ZNF512: variants seen among roughly 807,000 people sequenced by gnomAD.
ZNF512 encodes zinc finger protein 512.
In ZNF512, 25 loss-of-function variants were observed where a neutral mutation model predicts 77.5. The ratio of observed to expected loss-of-function variants is 0.32; its 90% CI spans 0.23 to 0.45. The LOEUF (loss-of-function observed/expected upper bound fraction) is 0.45. ZNF512 is among the 20% of genes least tolerant of loss of function. ZNF512 has a pLI of 1.00. For missense variants in ZNF512, 483 were observed against 692.6 expected, an observed-to-expected ratio of 0.70 and a Z score of 3.40; for synonymous variants, 246 against 239.9, an observed-to-expected ratio of 1.03 and a Z score of -0.24.
At chr2:27,617,077 CAGT>C (rs1477086737) in intron 12 of ZNF512, 1 of 182,560 alleles carries the variant, frequency 5.5e-6, no homozygotes, top group African/African-American at 2.4e-5. Context: ...CTTTTTGCGA[CAGT>C]AGATCATAGT....
chr2:27,586,382 G>A lies in ZNF512; in HGVS notation c.89+2666G>A, dbSNP rs546151765. On this transcript the variant is annotated intron_variant, in intron 2 of 13. Coordinates refer to ENST00000355467, the MANE Select transcript of ZNF512 (RefSeq NM_032434.4). ...GTAGCTGGGATTACAGGTGCACACC[G>A]CTGTGCCCTGCTAAGTTTTTGTATT... Among the ~76,000 whole-genome samples, 28 of 152,092 alleles carry A rather than the reference G, an allele frequency of 1.8e-4. No individual in the cohort carries two copies. In the East Asian group the frequency reaches 3.5e-3, roughly 19 times the overall value.
intron 10 of ZNF512, among the ~76,000 whole-genome samples, chr2:27,610,544 GTA>G (rs1247718248): frequency 0.078 from 2,551 of 32,606 alleles, 203 homozygotes; most frequent in South Asian, 0.11. Flanking sequence ...ATATGTGTGT[GTA>G]TATATATATA....
intron 2 of ZNF512, among the ~76,000 whole-genome samples, chr2:27,595,043 CAG>C (rs1459024232): frequency 3.3e-5 from 5 of 152,122 alleles, no homozygotes; most frequent in African/African-American, 4.8e-5. Flanking sequence ...GCAGGAGAAT[CAG>C]GGGAGCCCGA....
At chr2:27,583,762 C>T (rs1308471905) in intron 2 of ZNF512, 46 bp downstream of exon 2, 1 of 1,602,362 alleles carries the variant, frequency 6.2e-7, no homozygotes, top group South Asian at 1.1e-5. Context: ...GTCACCAGCG[C>T]TGACCAGTAG....
chr2:27,618,826 C>G (rs1276608549), intron 13 of ZNF512, among the ~76,000 whole-genome samples: 5 of 152,024 alleles, frequency 3.3e-5, no homozygotes, highest in Non-Finnish European at 5.9e-5. Flanking sequence ...TTAAATAGTC[C>G]TACTACAACA....
chr2:27,584,023 G>C (rs1428127932), intron 2 of ZNF512, among the ~76,000 whole-genome samples: 2 of 152,168 alleles, frequency 1.3e-5, no homozygotes, highest in Admixed American at 1.3e-4. Context: ...TACTAGCCCC[G>C]TACGCCTTTT....
chr2:27,606,076 T>C (rs1473401934), intron 9 of ZNF512, among the ~76,000 whole-genome samples: 1 of 115,252 alleles, frequency 8.7e-6, no homozygotes, highest in East Asian at 2.6e-4. Context: ...CTTAATCTTG[T>C]TGACCATCTT....
intron 6 of ZNF512, among the ~76,000 whole-genome samples, chr2:27,601,090 G>A (rs146738251): frequency 2.0e-5 from 3 of 152,218 alleles, no homozygotes; most frequent in Admixed American, 2.0e-4. Context: ...TAGTCCATGA[G>A]AGGATAAGAA....
chr2:27,607,488 C>T (rs947207078), intron 9 of ZNF512, among the ~76,000 whole-genome samples: 1 of 152,044 alleles, frequency 6.6e-6, no homozygotes, highest in Admixed American at 6.5e-5. Context: ...CTGTCTCAGC[C>T]TCCCGAGTAG....
rs1279107726 is a variant in ZNF512 at position 27,583,664 on chromosome 2, G to A, written c.37G>A (p.Gly13Arg). 2 of 1,614,126 alleles carry A rather than the reference G, an allele frequency of 1.2e-6. No individual in the cohort carries two copies. The highest frequency in any genetic ancestry group is 2.2e-5 in the East Asian group (1 of 44,878). Residue 13 changes from glycine (G) to arginine (R), a missense_variant, in exon 2 of 14, where the codon GGA (glycine) becomes AGA (arginine). Coordinates refer to ENST00000355467, the MANE Select transcript of ZNF512 (RefSeq NM_032434.4). ...SRLGAVPATS[G>R]PTTFKQQRST... ...TGTGCTTGTGATTTGCTAGACTTCGGGACCCACAACCTTTAAGCAGCAGAG... is the reference window on the plus strand; with the variant it reads ...TGTGCTTGTGATTTGCTAGACTTCGAGACCCACAACCTTTAAGCAGCAGAG...
chr2:27,617,253 T>G (rs1672921383), intron 12 of ZNF512: 2 of 447,872 alleles, frequency 4.5e-6, no homozygotes, highest in African/African-American at 2.0e-5. Flanking sequence ...TGTGTTGAAG[T>G]AGGGTGGGTG....
chr2:27,598,838 C>CA (rs949692451), intron 3 of ZNF512, among the ~76,000 whole-genome samples: 4 of 148,724 alleles, frequency 2.7e-5, no homozygotes, highest in Non-Finnish European at 6.0e-5. Flanking sequence ...TTTTCTTCTT[C>CA]TTTTTTTTTT....
intron 10 of ZNF512, among the ~76,000 whole-genome samples, chr2:27,610,000 C>A (rs1480487327): frequency 5.3e-5 from 8 of 151,948 alleles, no homozygotes; most frequent in Admixed American, 6.6e-5. Context: ...AAGATCATGC[C>A]ACTGCAATCT....
intron 9 of ZNF512, among the ~76,000 whole-genome samples, chr2:27,607,047 T>C (rs1181016397): frequency 6.6e-6 from 1 of 152,112 alleles, no homozygotes; most frequent in African/African-American, 2.4e-5. Flanking sequence ...CTCTCCTGCC[T>C]CTTCTTCTGC....
chr2:27,587,121 A>T (rs973490822), intron 2 of ZNF512, among the ~76,000 whole-genome samples: 5 of 152,168 alleles, frequency 3.3e-5, no homozygotes, highest in African/African-American at 4.8e-5. Flanking sequence ...TTCATATGGC[A>T]GGAGTATGTT....
At chr2:27,588,901 T>C (rs1034528588) in intron 2 of ZNF512, among the ~76,000 whole-genome samples, 1 of 152,214 alleles carries the variant, frequency 6.6e-6, no homozygotes, top group African/African-American at 2.4e-5. Context: ...CAATGTGTTG[T>C]AGTTTCATTG....
chr2:27,619,993 G>T (rs1256496640), intron 13 of ZNF512, among the ~76,000 whole-genome samples: 1 of 151,836 alleles, frequency 6.6e-6, no homozygotes, highest in Non-Finnish European at 1.5e-5. Flanking sequence ...TTCAAATTAG[G>T]ATCTAAAACA....
intron 2 of ZNF512, among the ~76,000 whole-genome samples, chr2:27,596,251 G>A (rs1359955970): frequency 6.6e-6 from 1 of 152,138 alleles, no homozygotes; most frequent in Non-Finnish European, 1.5e-5. Flanking sequence ...TTGCTGCTTT[G>A]GTTTGGGTCA....
At chr2:27,587,769 C>T (rs557808296) in intron 2 of ZNF512, among the ~76,000 whole-genome samples, 1 of 152,092 alleles carries the variant, frequency 6.6e-6, no homozygotes, top group South Asian at 2.1e-4. Context: ...GCAACCTCCG[C>T]CTCCCAGATT....
Sources: allele counts gnomAD v4.1 joint callset (sites outside exome capture counted in the v4.1 genomes callset), GRCh38; gene constraint gnomAD v4.1.1; transcripts MANE v1.5; gene names NCBI Gene and HGNC (gene_info 2026-07-23, HGNC 2026-07-21).